MGAT5: variants seen among roughly 807,000 people sequenced by gnomAD.
The protein encoded by MGAT5 is alpha-1,6-mannosylglycoprotein 6-beta-N-acetylglucosaminyltransferase A.
MGAT5 carries 30 observed loss-of-function variants against 94.3 expected under a neutral mutation model. The observed-to-expected ratio is 0.32, with a 90% CI of 0.24 to 0.43. The LOEUF is 0.43. Among genes scored for constraint, MGAT5 ranks in the 20% least tolerant of loss-of-function variants. The probability of loss-of-function intolerance (pLI) is 1.00; values close to 1 mark genes in which losing one functional copy is unlikely to be tolerated. For synonymous variants in MGAT5, 310 were observed against 322.9 expected, an observed-to-expected ratio of 0.96 and a Z score of 0.43; for missense variants, 691 against 905.5, an observed-to-expected ratio of 0.76 and a Z score of 3.04.
chr2:134,138,329 C>T (rs1686513157), intron 1 of MGAT5, among the ~76,000 whole-genome samples: 1 of 152,090 alleles, frequency 6.6e-6, no homozygotes, highest in East Asian at 1.9e-4. Context: ...ACCACATTCA[C>T]TCAGACTGTT....
At chr2:134,378,618 T>TG (rs1491371189) in intron 10 of MGAT5, among the ~76,000 whole-genome samples, 1 of 574 alleles carries the variant, frequency 1.7e-3, no homozygotes, top group African/African-American at 2.0e-3. Context: ...TCTGGATTAC[T>TG]TTTTTTTTTT....
chr2:134,359,986 T>C (rs1309340536), intron 9 of MGAT5, among the ~76,000 whole-genome samples: 1 of 152,142 alleles, frequency 6.6e-6, no homozygotes, highest in Non-Finnish European at 1.5e-5. Flanking sequence ...GTGGCAAGTT[T>C]AGAGTCACCT....
chr2:134,389,734 T>G lies in MGAT5; in HGVS notation c.1381-13254T>G, dbSNP rs1431171520. Among the ~76,000 whole-genome samples the G allele has an allele frequency of 3.3e-5, 5 of 152,212 alleles. No homozygotes were observed. The East Asian group carries it at 9.6e-4, about 29-fold the overall frequency. On this transcript the variant is annotated intron_variant, in intron 10 of 15. Transcript: ENST00000281923. ...CATAAATTTGGAGTACTTGTATTCTTGCCTAAGTAAGTGTTAGGTGACTCC... is the reference window on the plus strand; with the variant it reads ...CATAAATTTGGAGTACTTGTATTCTGGCCTAAGTAAGTGTTAGGTGACTCC...
At chr2:134,307,360 T>C (rs1482848183) in intron 2 of MGAT5, among the ~76,000 whole-genome samples, 1 of 150,156 alleles carries the variant, frequency 6.7e-6, no homozygotes, top group Admixed American at 6.7e-5. Context: ...TACAGTAATA[T>C]CTTTTAAATT....
chr2:134,430,483 G>A (rs1336159451), intron 14 of MGAT5, among the ~76,000 whole-genome samples: 3 of 152,130 alleles, frequency 2.0e-5, no homozygotes, highest in Admixed American at 6.5e-5. Context: ...TGGACACATG[G>A]TCGGTGCACA....
chr2:134,208,644 A>G, intron 1 of MGAT5, among the ~76,000 whole-genome samples: 1 of 152,214 alleles, frequency 6.6e-6, no homozygotes, highest in East Asian at 1.9e-4. Flanking sequence ...TATACCAGAA[A>G]CATGGTCTTT....
At chr2:134,220,463 G>T (rs919264457) in intron 1 of MGAT5, among the ~76,000 whole-genome samples, 43 of 152,168 alleles carry the variant, frequency 2.8e-4, no homozygotes, top group African/African-American at 1.0e-3. Flanking sequence ...GTTGGTGGGG[G>T]GATGTCTCCC....
chr2:134,328,226 C>G (rs947072857), intron 4 of MGAT5, among the ~76,000 whole-genome samples: 1 of 152,092 alleles, frequency 6.6e-6, no homozygotes, highest in Non-Finnish European at 1.5e-5. Flanking sequence ...TCTGCACCCC[C>G]CCTCACCCCT....
chr2:134,332,681 C>T (rs1688050010), intron 4 of MGAT5, among the ~76,000 whole-genome samples: 1 of 152,080 alleles, frequency 6.6e-6, no homozygotes, highest in Non-Finnish European at 1.5e-5. Context: ...ATTTTCACAA[C>T]CTACTCATCT....
chr2:134,222,800 T>G (rs569510378), intron 1 of MGAT5, among the ~76,000 whole-genome samples: 170 of 152,402 alleles, frequency 1.1e-3, no homozygotes, highest in African/African-American at 3.7e-3. Context: ...TAGGAATGGA[T>G]GTGGACAGGC....
At position 134,451,143 on chromosome 2, in the gene MGAT5, C is replaced by G. The variant is rs1320422313; in HGVS notation, c.*2296C>G. 1 of 152,160 alleles carries G rather than the reference C, an allele frequency of 6.6e-6. No individual in the cohort carries two copies. The highest frequency in any genetic ancestry group is 1.5e-5 in the Non-Finnish European group (1 of 68,040). The allele number at this position is 152,160 out of a possible 1,614,324, so 9.4% of individuals were successfully genotyped here. On this transcript the variant is annotated 3_prime_UTR_variant, in exon 16 of 16. Transcript: ENST00000281923. ...CTTAAGCAAGGAAGCTGAAAGGTAA[C>G]CTTAGCCCTGCCTTGTGTTCCAAAA...
chr2:134,357,031 A>G (rs1679787867), intron 9 of MGAT5, among the ~76,000 whole-genome samples: 2 of 152,204 alleles, frequency 1.3e-5, no homozygotes, highest in South Asian at 4.1e-4. Context: ...TCTGAGACAT[A>G]TAATGGCAGG....
chr2:134,216,259 A>C (rs1680490888), intron 1 of MGAT5, among the ~76,000 whole-genome samples: 1 of 152,234 alleles, frequency 6.6e-6, no homozygotes, highest in South Asian at 2.1e-4. Context: ...CGGGACACTT[A>C]TAGTTCTATA....
intron 1 of MGAT5, among the ~76,000 whole-genome samples, chr2:134,195,311 G>GA: frequency 6.6e-6 from 1 of 152,222 alleles, no homozygotes; most frequent in Non-Finnish European, 1.5e-5. Flanking sequence ...TTTTAACTCA[G>GA]AAAAAAGATT....
chr2:134,164,414 C>G (rs996809079), intron 1 of MGAT5, among the ~76,000 whole-genome samples: 4 of 152,160 alleles, frequency 2.6e-5, no homozygotes, highest in African/African-American at 4.8e-5. Context: ...GGGACCTCAT[C>G]TTGCCAAGGA....
chr2:134,427,829 C>G (rs1391351401), intron 13 of MGAT5, among the ~76,000 whole-genome samples: 1 of 152,224 alleles, frequency 6.6e-6, no homozygotes, highest in Non-Finnish European at 1.5e-5. Flanking sequence ...ATAGGCTAAC[C>G]TCACCTACAA....
intron 1 of MGAT5, among the ~76,000 whole-genome samples, chr2:134,167,553 C>T (rs1688018728): frequency 6.6e-6 from 1 of 152,118 alleles, no homozygotes; most frequent in South Asian, 2.1e-4. Flanking sequence ...GGTTCGGGGT[C>T]TACACTTTGA....
At chr2:134,317,630 C>G in intron 3 of MGAT5, 25 bp downstream of exon 3, 1 of 1,456,300 alleles carries the variant, frequency 6.9e-7, no homozygotes, top group Non-Finnish European at 9.2e-7. Flanking sequence ...AGCATCATCC[C>G]CAATCTGCAC....
chr2:134,167,605 A>G (rs1049280664), intron 1 of MGAT5, among the ~76,000 whole-genome samples: 1 of 152,194 alleles, frequency 6.6e-6, no homozygotes, highest in African/African-American at 2.4e-5. Flanking sequence ...TAGCTTGGGG[A>G]TGGTTTAGAA....
Sources: allele counts gnomAD v4.1 joint callset (sites outside exome capture counted in the v4.1 genomes callset), GRCh38; gene constraint gnomAD v4.1.1; transcripts MANE v1.5; gene names NCBI Gene and HGNC (gene_info 2026-07-23, HGNC 2026-07-21).